The following SULT1C2 variants were observed in gnomAD, a reference collection of about 807,000 sequenced individuals.
The protein encoded by SULT1C2 is sulfotransferase family 1C member 2, also known as sulfotransferase 1C2.
Under a neutral mutation model 36.0 loss-of-function variants are expected in SULT1C2, and 27 were observed. The observed-to-expected ratio is 0.75, with a 90% CI of 0.55 to 1.03. The LOEUF (loss-of-function observed/expected upper bound fraction) is 1.03. Ranked by LOEUF, SULT1C2 falls within the 50% of genes least tolerant of loss-of-function variation. SULT1C2 has a pLI of 0.00. For missense variants in SULT1C2, 395 were observed against 359.2 expected, an observed-to-expected ratio of 1.10 and a Z score of -0.80; for synonymous variants, 121 against 116.0, an observed-to-expected ratio of 1.04 and a Z score of -0.27.
Position 108,293,758 on chromosome 2 carries a change from C to A in SULT1C2, c.91C>A (p.Gln31Lys), listed in dbSNP as rs754156634. ...GCCTGCAACTGTGGACAACTGGAGC[C>A]AGATCCAGAGCTTCGAGGCCAAACC... is the stretch of plus-strand genomic sequence containing the variant. ...LQPATVDNWS[Q>K]IQSFEAKPDD... is the part of the protein sequence containing the mutation. Residue 31 changes from glutamine to lysine, a missense_variant, in exon 2 of 8, where the codon CAG (glutamine) becomes AAG (lysine). Physicochemically the swap from Gln to Lys is moderately conservative, Grantham distance 53. Coordinates refer to ENST00000251481, the MANE Select transcript of SULT1C2 (RefSeq NM_001056.4). 1 of 1,614,090 alleles carries A rather than the reference C, an allele frequency of 6.2e-7. No individual in the cohort carries two copies. The highest frequency in any genetic ancestry group is 1.1e-5 in the South Asian group (1 of 91,066).
chr2:108,305,267 G>C lies in SULT1C2; in HGVS notation c.597+1G>C. Reference sequence around the variant, plus strand: ...CCTCTTCTATGAGGACATAAAGAGGGTGAGTGAAGGCTCTGCAGAAGAACC... The same window carrying C: ...CCTCTTCTATGAGGACATAAAGAGGCTGAGTGAAGGCTCTGCAGAAGAACC... On this transcript the variant is annotated splice_donor_variant, in intron 6 of 7. Coordinates refer to ENST00000251481, the MANE Select transcript of SULT1C2 (RefSeq NM_001056.4). LOFTEE classifies it high-confidence loss of function. 6.2e-7 allele frequency: 1 copy of C among 1,614,136 alleles called. No individual in the cohort carries two copies. The highest frequency in any genetic ancestry group is 8.5e-7 in the Non-Finnish European group (1 of 1,180,012).
At chr2:108,299,829 A>C (rs778484017) in intron 3 of SULT1C2, 6 of 152,246 alleles carry the variant, frequency 3.9e-5, no homozygotes, top group Non-Finnish European at 7.3e-5. Flanking sequence ...GCAACAACCC[A>C]AGTGTCCACC....
chr2:108,293,155 G>A (rs1409477299), intron 1 of SULT1C2, among the ~76,000 whole-genome samples: 1 of 111,522 alleles, frequency 9.0e-6, no homozygotes, highest in Admixed American at 1.4e-4. Context: ...CTCCAGCCTG[G>A]ATAAACAGAG....
intron 3 of SULT1C2, chr2:108,300,496 T>TG (rs34973871): frequency 2.7e-6 from 1 of 370,012 alleles, no homozygotes; most frequent in Non-Finnish European, 4.8e-6. Context: ...TGCAGGCACA[T>TG]GGGGGTCATC....
intron 4 of SULT1C2, 87 bp from the exon 5 acceptor site, chr2:108,304,486 CA>C: frequency 4.1e-6 from 6 of 1,460,316 alleles, no homozygotes; most frequent in Non-Finnish European, 5.5e-6. Context: ...GAGTGCACAG[CA>C]ACCCTCAGGA....
chr2:108,307,932 G>A lies in SULT1C2; in HGVS notation c.779-420G>A, dbSNP rs971622806. Among the ~76,000 whole-genome samples, 13 of 152,128 alleles carry A rather than the reference G, an allele frequency of 8.5e-5. 1 individual carries two copies. The highest frequency in any genetic ancestry group is 3.9e-4 in the Admixed American group (6 of 15,270). ...CTATTACTCTAGATTGATTTTGCCTGTTGCTGGACTTCACGTAAATGGAAT... is the reference window on the plus strand; with the variant it reads ...CTATTACTCTAGATTGATTTTGCCTATTGCTGGACTTCACGTAAATGGAAT... On this transcript the variant is annotated intron_variant, in intron 7 of 7. Transcript: ENST00000251481.
At chr2:108,297,639 A>G (rs919142305) in intron 3 of SULT1C2, among the ~76,000 whole-genome samples, 2 of 152,136 alleles carry the variant, frequency 1.3e-5, no homozygotes, top group Non-Finnish European at 2.9e-5. Context: ...CCATCGTGGT[A>G]TTCCTGGCGG....
chr2:108,305,666 T>C (rs746180833), intron 7 of SULT1C2, 71 bp downstream of exon 7: 5 of 1,566,216 alleles, frequency 3.2e-6, no homozygotes, highest in South Asian at 2.2e-5. Context: ...GCAGACAATA[T>C]TGAGTTTTAT....
rs1676527104 is a variant in SULT1C2, at chr2:108,288,985, C to G, written c.-107C>G. The G allele has an allele frequency of 6.6e-6, 1 of 152,628 alleles. No individual in the cohort carries two copies. The allele number at this position is 152,628 out of a possible 1,614,324, so 9.5% of individuals were successfully genotyped here. ...GTAGTAATTTGAGCCTCTGCAATTG[C>G]CGTCTGCTTCCTGTGAAAGTCCTTT... is the stretch of plus-strand genomic sequence containing the variant. On this transcript the variant is annotated 5_prime_UTR_variant, in exon 1 of 8. Coordinates refer to ENST00000251481, the MANE Select transcript of SULT1C2 (RefSeq NM_001056.4).
chr2:108,293,526 C>T (rs992261658), intron 1 of SULT1C2, 121 bp from the exon 2 acceptor site: 1 of 898,560 alleles, frequency 1.1e-6, no homozygotes, highest in Non-Finnish European at 1.6e-6. Context: ...GGTTGCACAA[C>T]AATGTGAATG....
intron 4 of SULT1C2, chr2:108,303,106 G>A (rs951141595): frequency 6.6e-6 from 1 of 152,360 alleles, no homozygotes; most frequent in East Asian, 1.9e-4. Context: ...TGGTAAGTTG[G>A]AGAAGAGAAG....
intron 7 of SULT1C2, among the ~76,000 whole-genome samples, chr2:108,307,798 C>A (rs1282167824): frequency 1.3e-5 from 2 of 152,130 alleles, no homozygotes; most frequent in African/African-American, 4.8e-5. Flanking sequence ...TATACCCACA[C>A]CACCCGCACC....
intron 4 of SULT1C2, chr2:108,303,442 G>C (rs1404804136): frequency 6.6e-6 from 1 of 152,412 alleles, no homozygotes; most frequent in Non-Finnish European, 1.5e-5. Context: ...CTTGGGATTG[G>C]CCAGTTTGAA....
At chr2:108,293,577 A>C in intron 1 of SULT1C2, 70 bp from the exon 2 acceptor site, 1 of 1,435,672 alleles carries the variant, frequency 7.0e-7, no homozygotes, top group East Asian at 2.3e-5. Flanking sequence ...GATGGTTAAA[A>C]TGATCAATTT....
intron 3 of SULT1C2, among the ~76,000 whole-genome samples, chr2:108,295,202 A>C (rs1187338970): frequency 6.6e-6 from 1 of 152,246 alleles, no homozygotes; most frequent in Non-Finnish European, 1.5e-5. Flanking sequence ...AGGTGTCTCC[A>C]AGTCAGAATA....
intron 7 of SULT1C2, among the ~76,000 whole-genome samples, chr2:108,306,522 T>C (rs2104425035): frequency 6.6e-6 from 1 of 152,268 alleles, no homozygotes; most frequent in South Asian, 2.1e-4. Context: ...GAGGAGCACT[T>C]GAGCCCAGGA....
At chr2:108,306,223 A>G (rs1677021698) in intron 7 of SULT1C2, among the ~76,000 whole-genome samples, 1 of 152,194 alleles carries the variant, frequency 6.6e-6, no homozygotes, top group Non-Finnish European at 1.5e-5. Context: ...TCCAATTCCC[A>G]AAGGAGGAAT....
At chr2:108,304,086 G>A (rs1676956084) in intron 4 of SULT1C2, 1 of 152,420 alleles carries the variant, frequency 6.6e-6, no homozygotes, top group South Asian at 2.1e-4. Context: ...AGGAATGTTT[G>A]TAGGGGCAGA....
At chr2:108,298,565 A>T in intron 3 of SULT1C2, 1 of 243,584 alleles carries the variant, frequency 4.1e-6, no homozygotes, top group South Asian at 3.5e-5. Context: ...TTTTTTTTTT[A>T]GAGACAGGAT....
Sources: gnomAD v4.1 joint callset for allele counts (sites outside exome capture counted in the v4.1 genomes callset) on GRCh38, gnomAD v4.1.1 for gene constraint, MANE v1.5 for transcripts, NCBI Gene and HGNC (gene_info 2026-07-23, HGNC 2026-07-21) for gene names.